EPB41L5: variants seen among roughly 807,000 people sequenced by gnomAD.
EPB41L5 encodes the protein band 4.1-like protein 5.
EPB41L5 carries 55 observed loss-of-function variants against 106.6 expected under a neutral mutation model. The observed-to-expected ratio is 0.52, with a 90% CI of 0.42 to 0.65. The LOEUF (loss-of-function observed/expected upper bound fraction) is 0.65, where lower values mean the gene tolerates loss of function less well. Among genes scored for constraint, EPB41L5 ranks in the 30% least tolerant of loss-of-function variants. The probability of loss-of-function intolerance (pLI) is 0.00; values close to 1 mark genes in which losing one functional copy is unlikely to be tolerated. For synonymous variants in EPB41L5, 297 were observed against 306.7 expected, an observed-to-expected ratio of 0.97 and a Z score of 0.33; for missense variants, 871 against 882.1, an observed-to-expected ratio of 0.99 and a Z score of 0.16.
chr2:120,026,392 G>C (rs1030536933), intron 2 of EPB41L5, among the ~76,000 whole-genome samples: 1 of 151,146 alleles, frequency 6.6e-6, no homozygotes, highest in Non-Finnish European at 1.5e-5. Flanking sequence ...TTTTTGATAC[G>C]GAGTCTCACT....
At chr2:120,138,555 A>G (rs776575584) in intron 18 of EPB41L5, among the ~76,000 whole-genome samples, 1 of 152,098 alleles carries the variant, frequency 6.6e-6, no homozygotes, top group Non-Finnish European at 1.5e-5. Context: ...CAAACTGAAG[A>G]AAAAATCAGG....
At chr2:120,080,902 C>G (rs1056865412) in intron 10 of EPB41L5, among the ~76,000 whole-genome samples, 5 of 152,220 alleles carry the variant, frequency 3.3e-5, no homozygotes, top group East Asian at 1.9e-4. Context: ...GCATAAATGT[C>G]TTCTTTTGCG....
intron 10 of EPB41L5, among the ~76,000 whole-genome samples, chr2:120,086,591 G>A (rs1041893128): frequency 3.3e-5 from 5 of 151,996 alleles, no homozygotes; most frequent in East Asian, 3.9e-4. Flanking sequence ...GCGAGATGCC[G>A]TCTCTACAAA....
chr2:120,067,883 G>A (rs909669899), intron 3 of EPB41L5, among the ~76,000 whole-genome samples: 7 of 152,164 alleles, frequency 4.6e-5, no homozygotes, highest in Non-Finnish European at 1.0e-4. Flanking sequence ...TTTTGCAAGA[G>A]TCATTTATTT....
chr2:120,124,858 T>C (rs1249822639), intron 16 of EPB41L5, among the ~76,000 whole-genome samples: 1 of 152,192 alleles, frequency 6.6e-6, no homozygotes, highest in Non-Finnish European at 1.5e-5. Flanking sequence ...TAGATTTGTG[T>C]GATTGTTTTT....
chr2:120,115,853 A>G (rs1684926598), intron 16 of EPB41L5, among the ~76,000 whole-genome samples: 1 of 152,154 alleles, frequency 6.6e-6, no homozygotes, highest in Non-Finnish European at 1.5e-5. Context: ...ACTGTCACCC[A>G]GGCTGGAGTG....
chr2:120,160,598 A>G, intron 20 of EPB41L5: 1 of 293,984 alleles, frequency 3.4e-6, no homozygotes, highest in East Asian at 6.5e-5. Flanking sequence ...AAGTTGCTGT[A>G]CTAATTTACA....
At chr2:120,052,613 G>T (rs138216797) in intron 3 of EPB41L5, among the ~76,000 whole-genome samples, 2 of 152,050 alleles carry the variant, frequency 1.3e-5, no homozygotes, top group African/African-American at 4.8e-5. Context: ...ATTTTCCCAC[G>T]TATGGTCAAT....
Position 120,091,635 on chromosome 2 carries a change from A to G in EPB41L5, c.1124A>G (p.Tyr375Cys). ...TSFERRPSKRYSRRTLQMKAC... is the reference protein window; with the variant it reads ...TSFERRPSKRCSRRTLQMKAC... ...TTTGAAAGAAGGCCCAGCAAACGATATTCTAGACGAACTCTACAAATGAAA... is the reference window on the plus strand; with the variant it reads ...TTTGAAAGAAGGCCCAGCAAACGATGTTCTAGACGAACTCTACAAATGAAA... Residue 375 changes from tyrosine to cysteine, a missense_variant, in exon 13 of 25, where the codon TAT becomes TGT. Physicochemically the swap from Tyr to Cys is radical, Grantham distance 194. Coordinates refer to ENST00000263713, the MANE Select transcript of EPB41L5 (RefSeq NM_020909.4). The G allele has an allele frequency of 6.2e-7, 1 of 1,613,608 alleles. No homozygotes were observed. The highest frequency in any genetic ancestry group is 2.2e-5 in the East Asian group (1 of 44,816).
rs576650068 is a variant in EPB41L5, at chr2:120,049,063, A to G, written c.285+6953A>G. The stretch of plus-strand genomic sequence containing the variant: ...AATTTCTATTCCTTTACATTTGCCG[A>G]GGAGTGCTTTACTTCCAACTATGTG... On this transcript the variant is annotated intron_variant, in intron 3 of 24. Coordinates refer to ENST00000263713, the MANE Select transcript of EPB41L5 (RefSeq NM_020909.4). 5.9e-5 allele frequency among the ~76,000 whole-genome samples: 9 copies of G among 152,278 alleles called. No individual in the cohort carries two copies. In the South Asian group the frequency reaches 1.9e-3, roughly 32 times the overall value.
At chr2:120,160,852 A>G (rs773287846) in intron 20 of EPB41L5, 29 bp from the exon 21 acceptor site, 19 of 1,541,748 alleles carry the variant, frequency 1.2e-5, no homozygotes, top group Non-Finnish European at 1.7e-5. Flanking sequence ...CAGGTCCTAC[A>G]TGATGTGAAT....
chr2:120,096,903 A>C (rs1210742107), intron 14 of EPB41L5, among the ~76,000 whole-genome samples: 1 of 152,222 alleles, frequency 6.6e-6, no homozygotes, highest in Non-Finnish European at 1.5e-5. Flanking sequence ...GGAGGCTGGG[A>C]TATGGAATAT....
chr2:120,106,382 G>T, intron 16 of EPB41L5: 1 of 985,130 alleles, frequency 1.0e-6, no homozygotes. Flanking sequence ...ACTGATATTT[G>T]CAAGATGGAT....
intron 20 of EPB41L5, among the ~76,000 whole-genome samples, chr2:120,157,667 G>T (rs1016218418): frequency 1.3e-5 from 2 of 151,572 alleles, no homozygotes; most frequent in Non-Finnish European, 2.9e-5. Context: ...TACTTCAGAC[G>T]CTGAGGCACA....
chr2:120,051,934 C>G (rs1680316781), intron 3 of EPB41L5, among the ~76,000 whole-genome samples: 1 of 152,108 alleles, frequency 6.6e-6, no homozygotes, highest in Non-Finnish European at 1.5e-5. Context: ...TCAAGTGATT[C>G]TTCTGCTTCA....
chr2:120,094,528 G>A (rs999114126), intron 14 of EPB41L5, among the ~76,000 whole-genome samples: 3 of 146,662 alleles, frequency 2.0e-5, no homozygotes, highest in East Asian at 3.9e-4. Flanking sequence ...TTTTGTTGAC[G>A]TTTTCAAATA....
chr2:120,059,090 T>C (rs1680856288), intron 3 of EPB41L5, among the ~76,000 whole-genome samples: 1 of 152,204 alleles, frequency 6.6e-6, no homozygotes, highest in Non-Finnish European at 1.5e-5. Context: ...GACTTTGTGG[T>C]ATTGGCAAAG....
chr2:120,064,259 C>G (rs1681292517), intron 3 of EPB41L5, among the ~76,000 whole-genome samples: 1 of 152,222 alleles, frequency 6.6e-6, no homozygotes, highest in African/African-American at 2.4e-5. Flanking sequence ...GCATAAACCT[C>G]TACTCACAGA....
intron 16 of EPB41L5, chr2:120,106,456 T>C: frequency 1.0e-6 from 1 of 985,206 alleles, no homozygotes; most frequent in Non-Finnish European, 1.2e-6. Context: ...AAATAAATTG[T>C]CACCAACCTA....
Sources: gnomAD v4.1 joint callset for allele counts (sites outside exome capture counted in the v4.1 genomes callset) on GRCh38, gnomAD v4.1.1 for gene constraint, MANE v1.5 for transcripts, NCBI Gene and HGNC (gene_info 2026-07-23, HGNC 2026-07-21) for gene names.